The following ABCC8 variants were observed in gnomAD, a reference collection of about 807,000 sequenced individuals.
ABCC8 encodes ATP binding cassette subfamily C member 8.
ABCC8 carries 137 observed loss-of-function variants against 188.0 expected under a neutral mutation model. That is an observed-to-expected ratio of 0.73 (90% CI 0.63 to 0.84). The LOEUF (loss-of-function observed/expected upper bound fraction) is 0.84. ABCC8 is among the 40% of genes least tolerant of loss of function. ABCC8 has a pLI of 0.00. For synonymous variants in ABCC8, 797 were observed against 846.5 expected, an observed-to-expected ratio of 0.94 and a Z score of 1.01; for missense variants, 1,750 against 2,072.7, an observed-to-expected ratio of 0.84 and a Z score of 3.02.
At chr11:17,393,597 C>G in intron 38 of ABCC8, 100 bp downstream of exon 38, 3 of 1,566,484 alleles carry the variant, frequency 1.9e-6, no homozygotes. Context: ...TTCTTGATTA[C>G]TGGGACCAGG....
chr11:17,456,132 C>A (rs1219853622), intron 6 of ABCC8, among the ~76,000 whole-genome samples: 1 of 152,034 alleles, frequency 6.6e-6, no homozygotes, highest in Non-Finnish European at 1.5e-5. Flanking sequence ...TACAACCTGA[C>A]ACTTGGTGGA....
chr11:17,470,219 C>A lies in ABCC8; in HGVS notation c.294G>T (p.Val98=). The change falls in exon 3 of 39, where the codon GTG becomes GTT. Residue 98 remains valine (V), a synonymous_variant. Transcript: ENST00000389817. ...ACAGGTGCAGATGGTGGGATTCGGT[C>A]ACCCTGAGATGGGAGAGAGAAACAG... ...EIAEGILSDG[V]TESHHLHLYM... 1 of 1,614,138 alleles carries A rather than the reference C, an allele frequency of 6.2e-7. No individual in the cohort carries two copies. Among genetic ancestry groups the A allele is most frequent in the East Asian group, 2.2e-5 (1 of 44,872 alleles).
intron 10 of ABCC8, among the ~76,000 whole-genome samples, chr11:17,441,047 C>T (rs1430766614): frequency 1.3e-5 from 2 of 152,210 alleles, no homozygotes; most frequent in African/African-American, 4.8e-5. Context: ...TTACCACCTT[C>T]CCTCCCCCAC....
Position 17,470,199 on chromosome 11 carries a change from T to A in ABCC8, c.314A>T (p.His105Leu). ...SDGVTESHHL[H>L]LYMPAGMAFM... is the part of the protein sequence containing the mutation. ...CGCCATCCCGGCTGGCATGTACAGGTGCAGATGGTGGGATTCGGTCACCCT... is the reference window on the plus strand; with the variant it reads ...CGCCATCCCGGCTGGCATGTACAGGAGCAGATGGTGGGATTCGGTCACCCT... The change falls in exon 3 of 39, where the codon CAC (histidine) becomes CTC (leucine). Residue 105 changes from histidine (H) to leucine (L), a missense_variant. By Grantham distance (99) the His-to-Leu change is moderately conservative. Coordinates refer to ENST00000389817, the MANE Select transcript of ABCC8 (RefSeq NM_000352.6). 1 of 1,614,098 alleles carries A rather than the reference T, an allele frequency of 6.2e-7. No homozygotes were observed. The highest frequency in any genetic ancestry group is 8.5e-7 in the Non-Finnish European group (1 of 1,180,028).
intron 6 of ABCC8, among the ~76,000 whole-genome samples, chr11:17,458,364 C>G (rs1489018873): frequency 6.6e-6 from 1 of 152,238 alleles, no homozygotes; most frequent in Non-Finnish European, 1.5e-5. Context: ...GCAATGATAA[C>G]GTTCAGATGA....
intron 10 of ABCC8, chr11:17,435,655 C>T: frequency 1.4e-6 from 2 of 1,407,974 alleles, no homozygotes; most frequent in South Asian, 2.3e-5. Flanking sequence ...GAAGATGATG[C>T]TGGGAACCTC....
At chr11:17,397,491 C>T in intron 31 of ABCC8, 178 bp from the exon 32 acceptor site, 3 of 1,433,882 alleles carry the variant, frequency 2.1e-6, no homozygotes, top group Non-Finnish European at 1.9e-6. Context: ...TCATGTGGCT[C>T]CCCAACCTCC....
chr11:17,411,369 A>G (rs1185335822), intron 21 of ABCC8, among the ~76,000 whole-genome samples: 2 of 152,252 alleles, frequency 1.3e-5, no homozygotes, highest in Non-Finnish European at 2.9e-5. Flanking sequence ...TAAAATGTCC[A>G]CTTCACTTTT....
chr11:17,435,952 G>A (rs1025706158), intron 10 of ABCC8: 10 of 1,578,092 alleles, frequency 6.3e-6, no homozygotes. Flanking sequence ...TGCACTCAAA[G>A]CAATACCAGT....
At chr11:17,469,590 G>A (rs1848366089) in intron 3 of ABCC8, among the ~76,000 whole-genome samples, 1 of 151,598 alleles carries the variant, frequency 6.6e-6, no homozygotes, top group African/African-American at 2.4e-5. Context: ...AGTTATTGAT[G>A]CCACAGTTCA....
Position 17,393,036 on chromosome 11 carries a change from G to A in ABCC8, c.4701C>T (p.Ser1567=). The change falls in exon 39 of 39, where the codon AGC becomes AGT. Residue 1567 remains serine (S), a synonymous_variant. Coordinates refer to ENST00000389817, the MANE Select transcript of ABCC8 (RefSeq NM_000352.6). ...AGGAGGCGAAGACGCTGTCCTTCCGGCTGAGCAGCTTCTCTGGCTTATCGA... is the reference window on the plus strand; with the variant it reads ...AGGAGGCGAAGACGCTGTCCTTCCGACTGAGCAGCTTCTCTGGCTTATCGA... ...LEFDKPEKLL[S]RKDSVFASFV... is the part of the protein sequence containing the mutation. 1.2e-6 allele frequency: 2 copies of A among 1,614,160 alleles called. No individual in the cohort carries two copies. The highest frequency in any genetic ancestry group is 1.7e-6 in the Non-Finnish European group (2 of 1,180,044).
intron 2 of ABCC8, among the ~76,000 whole-genome samples, chr11:17,472,959 A>G (rs904274934): frequency 6.6e-6 from 1 of 151,984 alleles, no homozygotes; most frequent in Admixed American, 6.6e-5. Context: ...AACAGCCAAC[A>G]CCCTGCCCAG....
At chr11:17,420,779 A>G (rs1955304820) in intron 16 of ABCC8, among the ~76,000 whole-genome samples, 1 of 152,158 alleles carries the variant, frequency 6.6e-6, no homozygotes, top group African/African-American at 2.4e-5. Flanking sequence ...AAGTCACTCT[A>G]CTGTGGATAT....
At chr11:17,447,312 G>A (rs918856425) in intron 8 of ABCC8, among the ~76,000 whole-genome samples, 3 of 152,196 alleles carry the variant, frequency 2.0e-5, no homozygotes, top group Admixed American at 1.3e-4. Flanking sequence ...CATGAAGCCC[G>A]AGGTCAGATC....
chr11:17,418,758 G>A (rs1217728106), intron 16 of ABCC8, among the ~76,000 whole-genome samples: 1 of 152,176 alleles, frequency 6.6e-6, no homozygotes. Context: ...TCTCTGATCA[G>A]CTCCCGTGTA....
At chr11:17,431,016 A>G in intron 11 of ABCC8, 57 bp from the exon 12 acceptor site, 1 of 1,598,730 alleles carries the variant, frequency 6.3e-7, no homozygotes, top group African/African-American at 1.3e-5. Context: ...TCCCTCCCAC[A>G]CTGGAAACGC....
At chr11:17,453,810 G>C (rs1956899005) in intron 6 of ABCC8, among the ~76,000 whole-genome samples, 1 of 152,166 alleles carries the variant, frequency 6.6e-6, no homozygotes, top group Non-Finnish European at 1.5e-5. Context: ...ACTTACAAGA[G>C]ACTGAAAAGA....
intron 9 of ABCC8, 138 bp from the exon 10 acceptor site, chr11:17,443,020 C>A: frequency 2.0e-6 from 3 of 1,528,624 alleles, no homozygotes; most frequent in South Asian, 1.1e-5. Context: ...CCATTGACTC[C>A]ATTTCCCAGA....
At chr11:17,455,399 G>A (rs1956955931) in intron 6 of ABCC8, among the ~76,000 whole-genome samples, 1 of 152,144 alleles carries the variant, frequency 6.6e-6, no homozygotes, top group East Asian at 1.9e-4. Context: ...CGGTATTTGT[G>A]CATTTTTAAC....
Sources: allele counts gnomAD v4.1 joint callset (sites outside exome capture counted in the v4.1 genomes callset), GRCh38; gene constraint gnomAD v4.1.1; transcripts MANE v1.5; gene names NCBI Gene and HGNC (gene_info 2026-07-23, HGNC 2026-07-21).